The following MAST4 variants were observed in gnomAD, a reference collection of about 807,000 sequenced individuals.
MAST4 encodes microtubule-associated serine/threonine-protein kinase 4.
MAST4 carries 89 observed loss-of-function variants against 162.7 expected under a neutral mutation model. The observed-to-expected ratio is 0.55, with a 90% CI of 0.46 to 0.65. MAST4 has a LOEUF of 0.65. Ranked by LOEUF, MAST4 falls within the 30% of genes least tolerant of loss-of-function variation. MAST4 has a pLI of 0.00. For missense variants in MAST4, 3,153 were observed against 3,374.0 expected (o/e 0.93, Z 1.62); for synonymous variants, 1,479 against 1,361.1 (o/e 1.09, Z -1.91).
At position 66,611,995 on chromosome 5, in the gene MAST4, G is replaced by A. The variant is rs539740124; in HGVS notation, c.363+14977G>A. On this transcript the variant is annotated intron_variant, in intron 1 of 28. Coordinates refer to ENST00000403625, the MANE Select transcript of MAST4 (RefSeq NM_001164664.2). ...AACTTAAACTGTTAGATCTTGGGCA[G>A]TCAGAATAATTTGAATTTTGAGGGG... 4.4e-4 allele frequency among the ~76,000 whole-genome samples: 67 copies of A among 152,324 alleles called. 4 individuals carry two copies. The South Asian group carries it at 0.014, about 31-fold the overall frequency.
At chr5:66,891,233 C>G (rs1020577446) in intron 3 of MAST4, among the ~76,000 whole-genome samples, 1 of 152,130 alleles carries the variant, frequency 6.6e-6, no homozygotes, top group African/African-American at 2.4e-5. Flanking sequence ...GGTACCCTGT[C>G]CTGAGCTCCA....
intron 4 of MAST4, chr5:66,930,767 A>T (rs1170374550): frequency 4.2e-6 from 2 of 470,764 alleles, no homozygotes; most frequent in Non-Finnish European, 8.8e-6. Flanking sequence ...ATTCTCTGAC[A>T]GAACATCGTG....
chr5:67,152,439 G>A (rs1370939465), intron 24 of MAST4, among the ~76,000 whole-genome samples, 198 bp from the exon 25 acceptor site: 1 of 152,204 alleles, frequency 6.6e-6, no homozygotes, highest in African/African-American at 2.4e-5. Flanking sequence ...CACTCTTGAA[G>A]TTTGACAGTT....
rs1751383894 is a variant in MAST4 at position 66,724,221 on chromosome 5, A to G, written c.364-35488A>G. ...CTTTCCTTTTACAACAGTTACAACA[A>G]CATTTGATTCGTGATATTTTAGTTG... On this transcript the variant is annotated intron_variant, in intron 1 of 28. Transcript: ENST00000403625. Among the ~76,000 whole-genome samples, 3 of 152,182 alleles carry G rather than the reference A, an allele frequency of 2.0e-5. No homozygotes were observed. The South Asian group carries it at 6.2e-4, about 31-fold the overall frequency.
intron 1 of MAST4, among the ~76,000 whole-genome samples, chr5:66,746,526 A>G (rs1396309527): frequency 6.6e-6 from 1 of 152,146 alleles, no homozygotes; most frequent in African/African-American, 2.4e-5. Flanking sequence ...TAGGGAGTCT[A>G]CTTTCTCTCC....
At chr5:67,064,168 A>C (rs1759959693) in intron 5 of MAST4, among the ~76,000 whole-genome samples, 1 of 152,160 alleles carries the variant, frequency 6.6e-6, no homozygotes. Context: ...TGGAGTGAGA[A>C]GAAGCCAAAG....
At chr5:66,822,526 G>A (rs1327000667) in intron 3 of MAST4, among the ~76,000 whole-genome samples, 2 of 152,196 alleles carry the variant, frequency 1.3e-5, no homozygotes, top group Non-Finnish European at 2.9e-5. Flanking sequence ...ATGAAGAGTT[G>A]TTCAAACTCA....
chr5:66,821,991 C>A lies in MAST4; in HGVS notation c.642+33197C>A, dbSNP rs745860. 6.2e-3 allele frequency among the ~76,000 whole-genome samples: 949 copies of A among 152,296 alleles called. 35 individuals are homozygous for A. Among genetic ancestry groups the A allele is most frequent in the Admixed American group, 0.057 (875 of 15,290 alleles). ...GCCCTTACCTTGAGGGCAGTGAGAC[C>A]AGTTTCTCAATTTCCCAGAAGGTTG... is the stretch of plus-strand genomic sequence containing the variant. On this transcript the variant is annotated intron_variant, in intron 3 of 28. Transcript: ENST00000403625.
chr5:66,690,312 G>A (rs970050425), intron 1 of MAST4, among the ~76,000 whole-genome samples: 46 of 152,280 alleles, frequency 3.0e-4, no homozygotes, highest in African/African-American at 1.0e-3. Flanking sequence ...TTGTTATTTA[G>A]TAAGTATTGT....
chr5:66,709,996 C>A (rs1750393904), intron 1 of MAST4, among the ~76,000 whole-genome samples: 1 of 152,156 alleles, frequency 6.6e-6, no homozygotes. Context: ...TAGCTTGATA[C>A]CCTTGACTTT....
intron 1 of MAST4, among the ~76,000 whole-genome samples, chr5:66,635,913 C>T (rs1447463114): frequency 1.4e-5 from 2 of 137,986 alleles, no homozygotes; most frequent in Admixed American, 7.6e-5. Flanking sequence ...ACTTCCTATC[C>T]AAGGTTAAAA....
chr5:66,995,908 C>T (rs1001211519), intron 4 of MAST4, among the ~76,000 whole-genome samples: 3 of 151,572 alleles, frequency 2.0e-5, no homozygotes, highest in African/African-American at 7.3e-5. Flanking sequence ...CACACACACA[C>T]ACACAAACTT....
chr5:66,617,744 C>G (rs1468217187), intron 1 of MAST4, among the ~76,000 whole-genome samples: 1 of 152,146 alleles, frequency 6.6e-6, no homozygotes, highest in Non-Finnish European at 1.5e-5. Context: ...ACAATCCACC[C>G]CTCCGCATGG....
chr5:67,004,249 G>A lies in MAST4; in HGVS notation c.675-50155G>A, dbSNP rs13163984. Among the ~76,000 whole-genome samples, 4 of 152,164 alleles carry A rather than the reference G, an allele frequency of 2.6e-5. No individual in the cohort carries two copies. The South Asian group carries it at 6.2e-4, about 24-fold the overall frequency. ...TCCCGTGAGCCCCCGCTCCTCAGGCGCGGCCGGGGCTGGTGGGGGGTGGGG... is the reference window on the plus strand; with the variant it reads ...TCCCGTGAGCCCCCGCTCCTCAGGCACGGCCGGGGCTGGTGGGGGGTGGGG... On this transcript the variant is annotated intron_variant, in intron 4 of 28. Coordinates refer to ENST00000403625, the MANE Select transcript of MAST4 (RefSeq NM_001164664.2).
rs1299740186 is a variant in MAST4 at position 67,165,280 on chromosome 5, A to G, written c.6101A>G (p.Lys2034Arg). ...DFYTQTQAME[K>R]AWAPGGKTNH... ...TATACACAGACCCAGGCCATGGAGA[A>G]AGCATGGGCGCCGGGTGGGAAAACG... is the stretch of plus-strand genomic sequence containing the variant. The change falls in exon 29 of 29, where the codon AAA (lysine) becomes AGA (arginine). Residue 2034 changes from lysine to arginine, a missense_variant. By Grantham distance (26) the Lys-to-Arg change is conservative. Coordinates refer to ENST00000403625, the MANE Select transcript of MAST4 (RefSeq NM_001164664.2). 6.2e-7 allele frequency: 1 copy of G among 1,613,420 alleles called. No homozygotes were observed.
intron 1 of MAST4, among the ~76,000 whole-genome samples, chr5:66,629,445 C>T (rs947741017): frequency 6.6e-6 from 1 of 152,160 alleles, no homozygotes; most frequent in African/African-American, 2.4e-5. Flanking sequence ...TCCCTGCTGT[C>T]CTGCTCTGCT....
chr5:66,928,848 G>T (rs530678776), intron 4 of MAST4, among the ~76,000 whole-genome samples: 36 of 152,270 alleles, frequency 2.4e-4, no homozygotes, highest in African/African-American at 8.7e-4. Flanking sequence ...GCCATTGCCC[G>T]CTCAGTAGTG....
At chr5:66,873,501 C>T (rs897221218) in intron 3 of MAST4, among the ~76,000 whole-genome samples, 4 of 152,178 alleles carry the variant, frequency 2.6e-5, no homozygotes, top group Admixed American at 2.0e-4. Flanking sequence ...TTTGAGAACA[C>T]TGATTTTATT....
At chr5:66,712,874 C>G (rs1750585630) in intron 1 of MAST4, among the ~76,000 whole-genome samples, 1 of 152,132 alleles carries the variant, frequency 6.6e-6, no homozygotes, top group Admixed American at 6.5e-5. Flanking sequence ...TTTAGTGAAA[C>G]CTATACGTTA....
Sources: gnomAD v4.1 joint callset for allele counts (sites outside exome capture counted in the v4.1 genomes callset) on GRCh38, gnomAD v4.1.1 for gene constraint, MANE v1.5 for transcripts, NCBI Gene and HGNC (gene_info 2026-07-23, HGNC 2026-07-21) for gene names.